The following WDR72 variants were observed in gnomAD, a reference collection of about 807,000 sequenced individuals.
WDR72 encodes WD repeat-containing protein 72.
A neutral mutation model predicts 124.2 loss-of-function variants in WDR72; 120 were observed. The observed-to-expected ratio is 0.97, with a 90% confidence interval of 0.83 to 1.12. WDR72 has a LOEUF of 1.12. Ranked by LOEUF, WDR72 falls within the 50% of genes most tolerant of loss-of-function variation. The pLI is 0.00. For missense variants in WDR72, 1,387 were observed against 1,278.8 expected (o/e 1.08, Z -1.29); for synonymous variants, 452 against 441.7 (o/e 1.02, Z -0.29).
chr15:53,540,076 G>A (rs1051496711), intron 18 of WDR72, among the ~76,000 whole-genome samples: 2 of 152,138 alleles, frequency 1.3e-5, no homozygotes, highest in Non-Finnish European at 2.9e-5. Context: ...AATTCACAAT[G>A]GAGGTATTTC....
At chr15:53,570,826 T>C (rs1894499140) in intron 18 of WDR72, among the ~76,000 whole-genome samples, 1 of 152,056 alleles carries the variant, frequency 6.6e-6, no homozygotes, top group African/African-American at 2.4e-5. Flanking sequence ...CATGGGATGA[T>C]CCCAGGTGCC....
intron 13 of WDR72, among the ~76,000 whole-genome samples, chr15:53,696,553 C>T (rs1484810946): frequency 6.6e-6 from 1 of 152,196 alleles, no homozygotes; most frequent in Non-Finnish European, 1.5e-5. Flanking sequence ...TATTCCATAC[C>T]TTCAAATAGC....
intron 1 of WDR72, among the ~76,000 whole-genome samples, chr15:53,752,003 C>A (rs2018787174): frequency 6.6e-6 from 1 of 152,060 alleles, no homozygotes; most frequent in Admixed American, 6.6e-5. Context: ...TTTTTCAAAT[C>A]TCAAAATCTG....
intron 19 of WDR72, among the ~76,000 whole-genome samples, chr15:53,519,188 G>A (rs762698985): frequency 7.2e-5 from 11 of 151,968 alleles, no homozygotes; most frequent in African/African-American, 2.2e-4. Context: ...TTCTATCATC[G>A]AATGAGTTTA....
intron 18 of WDR72, among the ~76,000 whole-genome samples, chr15:53,530,894 C>A (rs1029380430): frequency 3.3e-5 from 5 of 152,072 alleles, no homozygotes; most frequent in African/African-American, 9.7e-5. Flanking sequence ...AACCTTTCCA[C>A]AGACTGAAGC....
intron 18 of WDR72, among the ~76,000 whole-genome samples, chr15:53,554,524 T>A (rs768311665): frequency 1.6e-4 from 25 of 152,154 alleles, no homozygotes; most frequent in Non-Finnish European, 3.5e-4. Flanking sequence ...CTAGTAAGCA[T>A]CATTGTGTTG....
At chr15:53,651,800 G>A (rs1241377168) in intron 14 of WDR72, among the ~76,000 whole-genome samples, 3 of 151,932 alleles carry the variant, frequency 2.0e-5, no homozygotes, top group Admixed American at 6.6e-5. Context: ...CTAAAGGTGC[G>A]CGACACCATG....
At chr15:53,525,131 C>G (rs1892038927) in intron 18 of WDR72, among the ~76,000 whole-genome samples, 1 of 151,984 alleles carries the variant, frequency 6.6e-6, no homozygotes, top group African/African-American at 2.4e-5. Flanking sequence ...TAATTTTCTT[C>G]AGTTTAGGTC....
chr15:53,620,623 C>A (rs898999507), intron 14 of WDR72, among the ~76,000 whole-genome samples: 1 of 152,068 alleles, frequency 6.6e-6, no homozygotes. Flanking sequence ...GGATCCTCAT[C>A]TCTCACCTTA....
At chr15:53,651,236 T>C (rs527342403) in intron 14 of WDR72, among the ~76,000 whole-genome samples, 5 of 152,270 alleles carry the variant, frequency 3.3e-5, no homozygotes, top group Admixed American at 1.3e-4. Flanking sequence ...CTCTGGTTCT[T>C]TCTTGCAATT....
At chr15:53,717,988 AC>A (rs1337132262) in intron 3 of WDR72, among the ~76,000 whole-genome samples, 1 of 152,142 alleles carries the variant, frequency 6.6e-6, no homozygotes, top group East Asian at 1.9e-4. Context: ...TCAAAGGGAA[AC>A]AAACTAATAA....
intron 13 of WDR72, among the ~76,000 whole-genome samples, chr15:53,692,581 A>T (rs1013637268): frequency 9.9e-5 from 15 of 152,206 alleles, no homozygotes; most frequent in African/African-American, 3.6e-4. Context: ...GGGCTCATGT[A>T]CATAACTCCT....
chr15:53,717,544 C>A (rs912033936), intron 3 of WDR72, among the ~76,000 whole-genome samples: 1 of 152,174 alleles, frequency 6.6e-6, no homozygotes, highest in Non-Finnish European at 1.5e-5. Flanking sequence ...GGAACTCAAT[C>A]TTCTACATGA....
At chr15:53,553,608 G>A (rs1185107891) in intron 18 of WDR72, among the ~76,000 whole-genome samples, 1 of 152,050 alleles carries the variant, frequency 6.6e-6, no homozygotes, top group African/African-American at 2.4e-5. Context: ...TTTAGCACTG[G>A]CAAAGAAGAA....
chr15:53,663,346 A>C (rs2015671081), intron 14 of WDR72, among the ~76,000 whole-genome samples: 1 of 152,112 alleles, frequency 6.6e-6, no homozygotes, highest in South Asian at 2.1e-4. Flanking sequence ...AAAGAATGAA[A>C]GTTTGAAATT....
At chr15:53,736,463 A>T (rs879460379) in intron 1 of WDR72, among the ~76,000 whole-genome samples, 3 of 152,234 alleles carry the variant, frequency 2.0e-5, no homozygotes, top group African/African-American at 4.8e-5. Flanking sequence ...AGGTTCCTCA[A>T]CAAGGAGTGT....
chr15:53,605,950 A>C (rs1391115517), intron 17 of WDR72, among the ~76,000 whole-genome samples: 2 of 152,220 alleles, frequency 1.3e-5, no homozygotes, highest in African/African-American at 4.8e-5. Context: ...TCCATTTTAC[A>C]AATGAGGAAG....
Position 53,701,929 on chromosome 15 carries a change from G to A in WDR72, c.1569+205C>T, listed in dbSNP as rs17663138. Among the ~76,000 whole-genome samples the A allele has an allele frequency of 0.2, 29,774 of 151,848 alleles. 3,351 individuals carry two copies. The highest frequency in any genetic ancestry group is 0.52 in the East Asian group (2,662 of 5,166). On this transcript the variant is annotated intron_variant, in intron 12 of 19. Transcript: ENST00000360509. ...TCTTTGCTTTAGAGCCAAATTATCC[G>A]TCTAATGTAAGTTATAATAATACTA...
chr15:53,672,056 T>C (rs1180924814), intron 13 of WDR72, among the ~76,000 whole-genome samples: 4 of 152,118 alleles, frequency 2.6e-5, no homozygotes, highest in African/African-American at 4.8e-5. Context: ...TCCTAAGGAA[T>C]AGTGCCCCTA....
Sources: gnomAD v4.1 joint callset for allele counts (sites outside exome capture counted in the v4.1 genomes callset) on GRCh38, gnomAD v4.1.1 for gene constraint, MANE v1.5 for transcripts, NCBI Gene and HGNC (gene_info 2026-07-23, HGNC 2026-07-21) for gene names.